CNTNAP2: variants seen among roughly 807,000 people sequenced by gnomAD.
The protein encoded by CNTNAP2 is contactin-associated protein-like 2.
In CNTNAP2, 98 loss-of-function variants were observed where a neutral mutation model predicts 155.2. That is an observed-to-expected ratio of 0.63 (90% confidence interval 0.54 to 0.75). The LOEUF is 0.75. CNTNAP2 is among the 30% of genes least tolerant of loss of function. CNTNAP2 has a pLI of 0.00. For synonymous variants in CNTNAP2, 651 were observed against 631.2 expected (o/e 1.03, Z -0.47); for missense variants, 1,727 against 1,688.1 (o/e 1.02, Z -0.40).
At chr7:146,135,978 A>C (rs1346421477) in intron 1 of CNTNAP2, among the ~76,000 whole-genome samples, 3 of 152,102 alleles carry the variant, frequency 2.0e-5, no homozygotes, top group Non-Finnish European at 4.4e-5. Flanking sequence ...TTTTTATTCT[A>C]ATATAATAGT....
At chr7:146,623,681 C>A (rs1290882779) in intron 1 of CNTNAP2, among the ~76,000 whole-genome samples, 1 of 152,076 alleles carries the variant, frequency 6.6e-6, no homozygotes, top group Non-Finnish European at 1.5e-5. Flanking sequence ...CCAGTTTTTG[C>A]AAATTACAAA....
chr7:147,921,698 A>G (rs1275086932), intron 14 of CNTNAP2, among the ~76,000 whole-genome samples: 1 of 152,200 alleles, frequency 6.6e-6, no homozygotes, highest in African/African-American at 2.4e-5. Context: ...AAATGAGAAT[A>G]GTAATATTAC....
chr7:146,315,042 C>CCCT (rs1311529784), intron 1 of CNTNAP2, among the ~76,000 whole-genome samples: 1 of 152,128 alleles, frequency 6.6e-6, no homozygotes, highest in Non-Finnish European at 1.5e-5. Flanking sequence ...CCAGGGAAGG[C>CCCT]CCTCGTAGGT....
At chr7:148,157,754 T>C (rs1019886641) in intron 17 of CNTNAP2, among the ~76,000 whole-genome samples, 1 of 152,112 alleles carries the variant, frequency 6.6e-6, no homozygotes, top group Non-Finnish European at 1.5e-5. Flanking sequence ...CCTTTGTAAC[T>C]AGTTCTTGGT....
intron 10 of CNTNAP2, among the ~76,000 whole-genome samples, chr7:147,481,425 G>C (rs1232780556): frequency 6.6e-6 from 1 of 152,082 alleles, no homozygotes; most frequent in Admixed American, 6.5e-5. Flanking sequence ...AGAAATAAAA[G>C]AGATGCTATG....
At chr7:148,117,498 C>A (rs934358146) in intron 15 of CNTNAP2, among the ~76,000 whole-genome samples, 1 of 152,152 alleles carries the variant, frequency 6.6e-6, no homozygotes, top group Non-Finnish European at 1.5e-5. Flanking sequence ...TCTGGGTGGC[C>A]GTTGACACAG....
At chr7:147,008,447 A>G (rs1361001566) in intron 3 of CNTNAP2, among the ~76,000 whole-genome samples, 1 of 152,104 alleles carries the variant, frequency 6.6e-6, no homozygotes, top group Non-Finnish European at 1.5e-5. Flanking sequence ...AGAAATTATA[A>G]TTTTAGGAAA....
intron 21 of CNTNAP2, among the ~76,000 whole-genome samples, chr7:148,328,510 AAT>A (rs542276531): frequency 0.21 from 21,258 of 103,454 alleles, 2,231 homozygotes; most frequent in East Asian, 0.47. Flanking sequence ...CTTGGTGTTC[AAT>A]AGGCCTTGGG....
At chr7:148,295,710 C>G (rs1163087113) in intron 21 of CNTNAP2, among the ~76,000 whole-genome samples, 2 of 151,634 alleles carry the variant, frequency 1.3e-5, no homozygotes, top group Non-Finnish European at 1.5e-5. Context: ...CCAGGATGGT[C>G]TCCATCTCCT....
At chr7:146,646,238 G>A (rs967816303) in intron 1 of CNTNAP2, among the ~76,000 whole-genome samples, 11 of 152,098 alleles carry the variant, frequency 7.2e-5, no homozygotes, top group African/African-American at 2.7e-4. Context: ...GAACATGTTC[G>A]AGAAGGGAGC....
intron 13 of CNTNAP2, among the ~76,000 whole-genome samples, chr7:147,892,464 C>T (rs550648961): frequency 2.6e-5 from 4 of 152,226 alleles, no homozygotes; most frequent in African/African-American, 9.6e-5. Context: ...AGGAATGAGC[C>T]AGGATTACTG....
At position 146,131,459 on chromosome 7, in the gene CNTNAP2, C is replaced by T. The variant is rs144917326; in HGVS notation, c.97+14486C>T. ...GAGGTATGCATTTATAAGCTGCCAACAAGTCCAAGGATTGTTTTAAAATGT... is the reference window on the plus strand; with the variant it reads ...GAGGTATGCATTTATAAGCTGCCAATAAGTCCAAGGATTGTTTTAAAATGT... On this transcript the variant is annotated intron_variant, in intron 1 of 23. Coordinates refer to ENST00000361727, the MANE Select transcript of CNTNAP2 (RefSeq NM_014141.6). Among the ~76,000 whole-genome samples, 776 of 152,288 alleles carry T rather than the reference C, an allele frequency of 5.1e-3. 5 individuals are homozygous for T. The highest frequency in any genetic ancestry group is 0.018 in the African/African-American group (735 of 41,558).
At chr7:147,378,498 C>T (rs1432458869) in intron 9 of CNTNAP2, among the ~76,000 whole-genome samples, 2 of 151,888 alleles carry the variant, frequency 1.3e-5, no homozygotes, top group Non-Finnish European at 2.9e-5. Context: ...TGAAGTAAAC[C>T]AGGCACAGAA....
intron 21 of CNTNAP2, among the ~76,000 whole-genome samples, chr7:148,273,638 G>A (rs1381186609): frequency 6.6e-6 from 1 of 152,230 alleles, no homozygotes; most frequent in Non-Finnish European, 1.5e-5. Context: ...TGCTTAGAAA[G>A]AAGCTGAATA....
In CNTNAP2 at chr7:147,528,000, C is replaced by A. The variant is rs117444393; in HGVS notation, c.1778-34138C>A. ...TCCCACTGGAGAGTCTCTGAGAAAC[C>A]TTTTGGTACGTGGGGATGCTGGGAC... On this transcript the variant is annotated intron_variant, in intron 11 of 23. Coordinates refer to ENST00000361727, the MANE Select transcript of CNTNAP2 (RefSeq NM_014141.6). Among the ~76,000 whole-genome samples the A allele has an allele frequency of 5.0e-3, 768 of 152,268 alleles. 7 individuals are homozygous for A. The highest frequency in any genetic ancestry group is 7.9e-3 in the Non-Finnish European group (534 of 68,016).
chr7:147,647,940 C>G (rs1349552564), intron 13 of CNTNAP2, among the ~76,000 whole-genome samples: 1 of 152,080 alleles, frequency 6.6e-6, no homozygotes, highest in Non-Finnish European at 1.5e-5. Flanking sequence ...AGGAAGCCAT[C>G]CCCTGTCATT....
intron 1 of CNTNAP2, among the ~76,000 whole-genome samples, chr7:146,520,703 A>G (rs113894899): frequency 3.3e-5 from 5 of 152,042 alleles, no homozygotes; most frequent in African/African-American, 1.2e-4. Flanking sequence ...ACATTACAAA[A>G]AGAATAAATT....
chr7:147,580,168 A>G (rs1264156309), intron 12 of CNTNAP2, among the ~76,000 whole-genome samples: 2 of 152,124 alleles, frequency 1.3e-5, no homozygotes, highest in African/African-American at 4.8e-5. Flanking sequence ...CCTTCCAACT[A>G]TAACTCTGAT....
chr7:147,472,116 A>T (rs1798230940), intron 10 of CNTNAP2, among the ~76,000 whole-genome samples: 1 of 151,982 alleles, frequency 6.6e-6, no homozygotes, highest in Admixed American at 6.5e-5. Context: ...GCAGCAGTGG[A>T]GAAGCAGGTA....
Sources: allele counts gnomAD v4.1 joint callset (sites outside exome capture counted in the v4.1 genomes callset), GRCh38; gene constraint gnomAD v4.1.1; transcripts MANE v1.5; gene names NCBI Gene and HGNC (gene_info 2026-07-23, HGNC 2026-07-21).